Variants in GLDC observed in about 807,000 individuals in gnomAD.
GLDC encodes the protein glycine decarboxylase, also known as glycine dehydrogenase (decarboxylating), mitochondrial.
In GLDC, 104 loss-of-function variants were observed where a neutral mutation model predicts 121.3. The observed-to-expected ratio is 0.86, with a 90% CI of 0.73 to 1.01. The LOEUF is 1.01. GLDC is among the 50% of genes least tolerant of loss of function. The pLI is 0.00. For missense variants in GLDC, 1,429 were observed against 1,306.6 expected (o/e 1.09, Z -1.44); for synonymous variants, 546 against 480.6 (o/e 1.14, Z -1.78).
chr9:6,631,963 G>T (rs1010032345), intron 2 of GLDC, among the ~76,000 whole-genome samples: 1 of 152,174 alleles, frequency 6.6e-6, no homozygotes, highest in Non-Finnish European at 1.5e-5. Context: ...TACTCAGGAA[G>T]CTGCAGTAGT....
chr9:6,581,834 C>G (rs186600020), intron 15 of GLDC, among the ~76,000 whole-genome samples: 1 of 152,080 alleles, frequency 6.6e-6, no homozygotes, highest in African/African-American at 2.4e-5. Context: ...TTAGAGTTGC[C>G]TTTGTGCATC....
At chr9:6,614,931 T>C (rs1486246244) in intron 3 of GLDC, among the ~76,000 whole-genome samples, 2 of 152,234 alleles carry the variant, frequency 1.3e-5, no homozygotes, top group South Asian at 2.1e-4. Flanking sequence ...TGGTTAAGTA[T>C]TTGTGTTTCT....
intron 4 of GLDC, among the ~76,000 whole-genome samples, chr9:6,607,355 C>T (rs1049124810): frequency 7.9e-5 from 12 of 151,962 alleles, no homozygotes; most frequent in Middle Eastern, 3.4e-3. Context: ...GGCCGAGGTG[C>T]GTGGATCACC....
Position 6,536,054 on chromosome 9 carries a change from G to A in GLDC, c.2838+10C>T, listed in dbSNP as rs1587909491. On this transcript the variant is annotated intron_variant, in intron 23 of 24. Coordinates refer to ENST00000321612, the MANE Select transcript of GLDC (RefSeq NM_000170.3). ...GGAACATTTCAAGCAATGTTCCAGG[G>A]CCTACGCACCTTCAGCGGATTGACC... 8.7e-6 allele frequency: 14 copies of A among 1,609,372 alleles called. No homozygotes were observed. Among genetic ancestry groups the A allele is most frequent in the Non-Finnish European group, 1.2e-5 (14 of 1,176,578 alleles).
intron 16 of GLDC, among the ~76,000 whole-genome samples, chr9:6,561,191 T>C (rs893728075): frequency 6.6e-6 from 1 of 152,208 alleles, no homozygotes; most frequent in Non-Finnish European, 1.5e-5. Flanking sequence ...ATAGCAGCCA[T>C]AGGAAACTAA....
intron 23 of GLDC, among the ~76,000 whole-genome samples, chr9:6,534,998 G>A (rs1269969140): frequency 6.6e-6 from 1 of 152,156 alleles, no homozygotes; most frequent in Non-Finnish European, 1.5e-5. Context: ...CCACCACCCA[G>A]TAAAGTCTAA....
At chr9:6,572,977 C>G (rs1207892120) in intron 15 of GLDC, among the ~76,000 whole-genome samples, 1 of 152,160 alleles carries the variant, frequency 6.6e-6, no homozygotes, top group Non-Finnish European at 1.5e-5. Flanking sequence ...TCTCTCACCT[C>G]TAATATCAAA....
chr9:6,633,529 C>T (rs549131088), intron 2 of GLDC, among the ~76,000 whole-genome samples: 80 of 152,286 alleles, frequency 5.3e-4, no homozygotes, highest in Admixed American at 4.6e-4. Flanking sequence ...CCCTGTTCCC[C>T]CTCTGTTAAT....
intron 21 of GLDC, among the ~76,000 whole-genome samples, chr9:6,546,611 C>G (rs1424501529): frequency 6.6e-6 from 1 of 151,994 alleles, no homozygotes; most frequent in African/African-American, 2.4e-5. Context: ...GAAGGACCGC[C>G]CTGAAGCTGT....
chr9:6,610,424 T>C (rs1173718104), intron 3 of GLDC, 68 bp from the exon 4 acceptor site: 22 of 1,502,652 alleles, frequency 1.5e-5, no homozygotes, highest in Middle Eastern at 3.4e-4. Flanking sequence ...AATGCTATCA[T>C]TTCAGAATTC....
At chr9:6,627,295 C>CAAAA (rs35067265) in intron 2 of GLDC, among the ~76,000 whole-genome samples, 2 of 77,790 alleles carry the variant, frequency 2.6e-5, no homozygotes, top group African/African-American at 9.0e-5. Context: ...GACTCCATCT[C>CAAAA]AAAAAAAAAA....
chr9:6,533,710 T>G (rs144366307), intron 24 of GLDC, among the ~76,000 whole-genome samples: 724 of 151,894 alleles, frequency 4.8e-3, no homozygotes, highest in South Asian at 7.9e-3. Flanking sequence ...AATGCAAAAT[T>G]AGCCAGGCAT....
chr9:6,603,971 G>T (rs144063737), intron 7 of GLDC, among the ~76,000 whole-genome samples: 1 of 152,018 alleles, frequency 6.6e-6, no homozygotes, highest in African/African-American at 2.4e-5. Flanking sequence ...CTTGTGATCT[G>T]CCTGACTCGG....
chr9:6,587,916 C>T (rs988823693), intron 14 of GLDC, among the ~76,000 whole-genome samples: 1 of 151,944 alleles, frequency 6.6e-6, no homozygotes, highest in African/African-American at 2.4e-5. Context: ...AAAAAAAAAG[C>T]TTCGCTAAAA....
intron 2 of GLDC, chr9:6,639,109 A>C: frequency 1.4e-6 from 1 of 720,576 alleles, no homozygotes; most frequent in Non-Finnish European, 2.5e-6. Flanking sequence ...GCCTATTGAG[A>C]ATTAATGACA....
At chr9:6,572,707 C>T (rs1032871683) in intron 15 of GLDC, among the ~76,000 whole-genome samples, 1 of 152,214 alleles carries the variant, frequency 6.6e-6, no homozygotes, top group Non-Finnish European at 1.5e-5. Context: ...ATTTTCTTCT[C>T]TGCTGCCAGC....
intron 15 of GLDC, among the ~76,000 whole-genome samples, chr9:6,572,639 T>TG (rs1274349064): frequency 2.6e-5 from 4 of 152,196 alleles, no homozygotes; most frequent in Non-Finnish European, 4.4e-5. Flanking sequence ...ACCAAAGGAA[T>TG]GGGACAGTTC....
At chr9:6,644,029 C>CAAAAAAAAAAAAAAAAAAAAAAAAA (rs531081758) in intron 2 of GLDC, among the ~76,000 whole-genome samples, 7 of 18,334 alleles carry the variant, frequency 3.8e-4, no homozygotes, top group Admixed American at 8.3e-4. Flanking sequence ...GATTCTGTCT[C>CAAAAAAAAAAAAAAAAAAAAAAAAA]AAAAAAAAAA....
intron 22 of GLDC, among the ~76,000 whole-genome samples, chr9:6,537,312 C>G (rs1817149227): frequency 6.6e-6 from 1 of 152,178 alleles, no homozygotes; most frequent in Non-Finnish European, 1.5e-5. Flanking sequence ...AGCCACCACA[C>G]CAGGCCTATG....
Sources: gnomAD v4.1 joint callset for allele counts (sites outside exome capture counted in the v4.1 genomes callset) on GRCh38, gnomAD v4.1.1 for gene constraint, MANE v1.5 for transcripts, NCBI Gene and HGNC (gene_info 2026-07-23, HGNC 2026-07-21) for gene names.